Variants in STK3 observed in about 807,000 individuals in gnomAD.
STK3 encodes the protein serine/threonine kinase 3.
STK3 carries 41 observed loss-of-function variants against 58.0 expected under a neutral mutation model. That is an observed-to-expected ratio of 0.71 (90% confidence interval 0.55 to 0.92). STK3 has a LOEUF of 0.92. STK3 is among the 40% of genes least tolerant of loss of function. The probability of loss-of-function intolerance (pLI) is 0.00; values close to 1 mark genes in which losing one functional copy is unlikely to be tolerated. For synonymous variants in STK3, 170 were observed against 191.0 expected (o/e 0.89, Z 0.91); for missense variants, 479 against 602.7 (o/e 0.79, Z 2.15).
chr8:98,766,545 G>T (rs1187358776), intron 3 of STK3, among the ~76,000 whole-genome samples: 1 of 151,996 alleles, frequency 6.6e-6, no homozygotes, highest in Non-Finnish European at 1.5e-5. Context: ...AGCTTCCCAA[G>T]TAGCTAGAAC....
intron 6 of STK3, among the ~76,000 whole-genome samples, chr8:98,660,849 T>C (rs1821916689): frequency 6.6e-6 from 1 of 152,074 alleles, no homozygotes; most frequent in South Asian, 2.1e-4. Flanking sequence ...TAGAAGCCTC[T>C]GCTACCTGGG....
At chr8:98,887,558 T>C (rs1838037863) in intron 1 of STK3, among the ~76,000 whole-genome samples, 1 of 152,206 alleles carries the variant, frequency 6.6e-6, no homozygotes, top group Admixed American at 6.5e-5. Flanking sequence ...CATATATGTT[T>C]GCCTTCATTT....
intron 2 of STK3, among the ~76,000 whole-genome samples, chr8:98,773,568 G>A (rs1383984401): frequency 6.6e-6 from 1 of 151,990 alleles, no homozygotes; most frequent in Non-Finnish European, 1.5e-5. Flanking sequence ...AGACCAGCCT[G>A]GGTAACATAG....
chr8:98,916,809 C>T (rs1839363207), intron 1 of STK3, among the ~76,000 whole-genome samples: 2 of 152,086 alleles, frequency 1.3e-5, no homozygotes, highest in Admixed American at 1.3e-4. Flanking sequence ...GGGAATAGTT[C>T]TAAGTAGAAA....
At chr8:98,540,095 G>A (rs984327808) in intron 9 of STK3, among the ~76,000 whole-genome samples, 1 of 152,076 alleles carries the variant, frequency 6.6e-6, no homozygotes, top group African/African-American at 2.4e-5. Flanking sequence ...CACCTACATC[G>A]CCATCCAGCT....
intron 6 of STK3, among the ~76,000 whole-genome samples, chr8:98,642,845 A>T (rs1400925446): frequency 6.6e-6 from 1 of 152,220 alleles, no homozygotes; most frequent in Non-Finnish European, 1.5e-5. Context: ...TCTCAAGTAT[A>T]ATGACATCCA....
intron 2 of STK3, among the ~76,000 whole-genome samples, chr8:98,769,711 G>A (rs1362251322): frequency 6.6e-6 from 1 of 152,164 alleles, no homozygotes; most frequent in African/African-American, 2.4e-5. Flanking sequence ...TGGAGTCTAA[G>A]CAAAGCTTTA....
chr8:98,791,440 C>A (rs1410589011), intron 1 of STK3, among the ~76,000 whole-genome samples: 1 of 152,112 alleles, frequency 6.6e-6, no homozygotes, highest in Admixed American at 6.5e-5. Context: ...AAAATACCAC[C>A]ATCATTCTTC....
chr8:98,870,263 TC>T (rs1343243842), intron 3 of STK3, among the ~76,000 whole-genome samples: 2 of 152,228 alleles, frequency 1.3e-5, no homozygotes, highest in African/African-American at 4.8e-5. Context: ...TTGGGTTGGT[TC>T]CAAGTCTTTG....
chr8:98,674,896 G>A (rs1412560769), intron 6 of STK3, among the ~76,000 whole-genome samples: 3 of 151,888 alleles, frequency 2.0e-5, no homozygotes, highest in Non-Finnish European at 4.4e-5. Flanking sequence ...GTTCCTGTCG[G>A]GAATGGTAAC....
intron 1 of STK3, among the ~76,000 whole-genome samples, chr8:98,796,568 T>G (rs565436261): frequency 6.6e-6 from 1 of 152,240 alleles, no homozygotes; most frequent in East Asian, 1.9e-4. Context: ...GGAAAGAATT[T>G]ATGACTAAAA....
intron 1 of STK3, chr8:98,437,863 C>T (rs1818549694): frequency 1.3e-5 from 2 of 152,170 alleles, no homozygotes; most frequent in East Asian, 3.9e-4. Context: ...AGGGAAACCA[C>T]AATCCACAAA....
intron 3 of STK3, among the ~76,000 whole-genome samples, chr8:98,835,519 G>T (rs1384449178): frequency 6.6e-6 from 1 of 152,146 alleles, no homozygotes; most frequent in Non-Finnish European, 1.5e-5. Flanking sequence ...TCAGCCTTTG[G>T]TTCCTGCAGT....
chr8:98,416,574 G>C (rs1023953535), intron 3 of STK3, among the ~76,000 whole-genome samples: 2 of 152,218 alleles, frequency 1.3e-5, no homozygotes, highest in African/African-American at 2.4e-5. Flanking sequence ...AGAGGGTCAG[G>C]AGAGGAGGTG....
rs145895226 is a variant in STK3 at position 98,692,518 on chromosome 8, A to G, written c.684+13949T>C. On this transcript the variant is annotated intron_variant, in intron 6 of 10. Transcript: ENST00000419617. ...TTATATGAAATATTTAGAACAGTCA[A>G]ACTCATAGAGACAGGAAGTAGAATA... is the stretch of plus-strand genomic sequence containing the variant. Among the ~76,000 whole-genome samples, 326 of 152,330 alleles carry G rather than the reference A, an allele frequency of 2.1e-3. 1 individual carries two copies. The highest frequency in any genetic ancestry group is 7.6e-3 in the African/African-American group (318 of 41,582).
downstream of STK3, among the ~76,000 whole-genome samples, chr8:98,368,692 G>A (rs1817586188): frequency 6.6e-6 from 1 of 152,176 alleles, no homozygotes; most frequent in Admixed American, 6.5e-5. Flanking sequence ...AACAGCAAAG[G>A]AACTCACAAT....
intron 1 of STK3, among the ~76,000 whole-genome samples, chr8:98,818,502 G>A (rs1225306114): frequency 6.6e-6 from 1 of 151,994 alleles, no homozygotes; most frequent in African/African-American, 2.4e-5. Context: ...TCCATAAACA[G>A]AGTCAAGAAA....
intron 4 of STK3, among the ~76,000 whole-genome samples, chr8:98,747,190 GAAC>G: frequency 7.1e-6 from 1 of 141,048 alleles, no homozygotes; most frequent in East Asian, 2.1e-4. Context: ...AAGAAATAAA[GAAC>G]AATAAAAAGC....
intron 1 of STK3, among the ~76,000 whole-genome samples, chr8:98,442,156 C>T (rs561484641): frequency 6.6e-6 from 1 of 152,334 alleles, no homozygotes; most frequent in African/African-American, 2.4e-5. Context: ...GCTCAATTTC[C>T]TAAATAGTTC....
Sources: gnomAD v4.1 joint callset for allele counts (sites outside exome capture counted in the v4.1 genomes callset) on GRCh38, gnomAD v4.1.1 for gene constraint, MANE v1.5 for transcripts, NCBI Gene and HGNC (gene_info 2026-07-23, HGNC 2026-07-21) for gene names.